The following XIRP2 variants were observed in gnomAD, a reference collection of about 807,000 sequenced individuals.
The protein encoded by XIRP2 is xin actin binding repeat containing 2, also known as xin actin-binding repeat-containing protein 2.
Under a neutral mutation model 277.0 loss-of-function variants are expected in XIRP2, and 236 were observed. The ratio of observed to expected loss-of-function variants is 0.85; its 90% CI spans 0.77 to 0.95. The LOEUF is 0.95. Ranked by LOEUF, XIRP2 falls within the 40% of genes least tolerant of loss-of-function variation. The pLI is 0.00. For synonymous variants in XIRP2, 1,490 were observed against 1,416.5 expected, an observed-to-expected ratio of 1.05 and a Z score of -1.17; for missense variants, 4,640 against 4,157.5, an observed-to-expected ratio of 1.12 and a Z score of -3.19.
chr2:167,209,831 T>G (rs1429636557), intron 3 of XIRP2, among the ~76,000 whole-genome samples: 1 of 152,140 alleles, frequency 6.6e-6, no homozygotes, highest in Non-Finnish European at 1.5e-5. Flanking sequence ...TGGAGGGTCC[T>G]TATGTTCCTT....
chr2:167,164,169 A>ATG (rs1692454136), intron 3 of XIRP2, among the ~76,000 whole-genome samples: 1 of 152,014 alleles, frequency 6.6e-6, no homozygotes. Context: ...GGCCGGGCGC[A>ATG]GCGGCTCACG....
chr2:167,052,561 A>G (rs554337036), intron 2 of XIRP2, among the ~76,000 whole-genome samples: 136 of 152,196 alleles, frequency 8.9e-4, no homozygotes, highest in African/African-American at 3.1e-3. Flanking sequence ...ATACTAAAAT[A>G]CTCCAAATTT....
At chr2:166,909,530 G>A (rs1684639109) in intron 2 of XIRP2, among the ~76,000 whole-genome samples, 1 of 152,174 alleles carries the variant, frequency 6.6e-6, no homozygotes, top group Non-Finnish European at 1.5e-5. Context: ...AGACAGTGGG[G>A]TTTTCTAGAT....
In XIRP2 at chr2:167,062,909, A is replaced by T. The variant is rs189654747; in HGVS notation, c.409-73000A>T. 2.9e-3 allele frequency among the ~76,000 whole-genome samples: 436 copies of T among 150,972 alleles called. 1 individual carries two copies. The highest frequency in any genetic ancestry group is 0.01 in the African/African-American group (416 of 41,214). On this transcript the variant is annotated intron_variant, in intron 2 of 10. Coordinates refer to ENST00000409195, the MANE Select transcript of XIRP2 (RefSeq NM_152381.6). Reference sequence around the variant, plus strand: ...AAAAAACCAACTTTTGGGTTGATTGATTTTTTTCCTATCGTATTTTCTTTT... The same window carrying T: ...AAAAAACCAACTTTTGGGTTGATTGTTTTTTTTCCTATCGTATTTTCTTTT...
intron 2 of XIRP2, among the ~76,000 whole-genome samples, chr2:166,930,349 T>A (rs2105367637): frequency 6.6e-6 from 1 of 152,250 alleles, no homozygotes; most frequent in East Asian, 1.9e-4. Flanking sequence ...AATAGGCAAC[T>A]TTTCTGAAAC....
At chr2:167,203,966 T>C (rs1044334180) in intron 3 of XIRP2, among the ~76,000 whole-genome samples, 3 of 152,206 alleles carry the variant, frequency 2.0e-5, no homozygotes, top group Admixed American at 6.5e-5. Flanking sequence ...ATCAATTTTT[T>C]TTTTCAAGAA....
chr2:166,900,873 T>A (rs1326217997), intron 1 of XIRP2, among the ~76,000 whole-genome samples: 2 of 152,020 alleles, frequency 1.3e-5, no homozygotes, highest in Non-Finnish European at 2.9e-5. Context: ...CTAGGTGGGG[T>A]AGAAGTACAG....
intron 2 of XIRP2, among the ~76,000 whole-genome samples, chr2:166,924,259 G>A (rs917284470): frequency 6.6e-6 from 1 of 152,032 alleles, no homozygotes; most frequent in Non-Finnish European, 1.5e-5. Context: ...GGGTTAGGAA[G>A]TCTGAGGATT....
At chr2:167,218,091 A>G in intron 4 of XIRP2, 75 bp from the exon 5 acceptor site, 4 of 1,288,364 alleles carry the variant, frequency 3.1e-6, no homozygotes, top group Non-Finnish European at 4.1e-6. Flanking sequence ...AATGTCAACT[A>G]TTTTTAAAAT....
At chr2:167,085,907 C>G (rs1358311166) in intron 2 of XIRP2, among the ~76,000 whole-genome samples, 1 of 151,936 alleles carries the variant, frequency 6.6e-6, no homozygotes, top group Non-Finnish European at 1.5e-5. Context: ...ATTTGCCAGT[C>G]TGTGTCTTTT....
At chr2:167,019,191 G>A (rs1326158755) in intron 2 of XIRP2, among the ~76,000 whole-genome samples, 2 of 151,966 alleles carry the variant, frequency 1.3e-5, no homozygotes, top group East Asian at 3.9e-4. Flanking sequence ...GGAGATTTAA[G>A]ACTTCAAAGT....
In XIRP2 at chr2:167,242,706, G is replaced by C; in HGVS notation, c.1314G>C (p.Leu438=). 6.2e-7 allele frequency: 1 copy of C among 1,614,010 alleles called. No homozygotes were observed. The highest frequency in any genetic ancestry group is 8.5e-7 in the Non-Finnish European group (1 of 1,179,954). The change falls in exon 9 of 11, where the codon CTG becomes CTC. Residue 438 remains leucine, a synonymous_variant. Transcript: ENST00000409195. Reference sequence around the variant, plus strand: ...ATCACAGTGTCACTTCCTCAACTCTGGCACAAATTAATGCTACTTCTTCAG... The same window carrying C: ...ATCACAGTGTCACTTCCTCAACTCTCGCACAAATTAATGCTACTTCTTCAG... The part of the protein sequence containing the change: ...YSDHSVTSST[L]AQINATSSGM...
rs771623223 is a variant in XIRP2 at position 167,239,829 on chromosome 2, T to TTGTC, written c.859-14_859-11dup. On this transcript the variant is annotated intron_variant, in intron 5 of 10. Coordinates refer to ENST00000409195, the MANE Select transcript of XIRP2 (RefSeq NM_152381.6). Reference sequence around the variant, plus strand: ...TAAAATTTTTACTTTTCTTAAGGCATTGTCTGTCTGTCTGTGTGCTTTCAG... The same window carrying TTGTC: ...TAAAATTTTTACTTTTCTTAAGGCATTGTCTGTCTGTCTGTCTGTGTGCTTTCAG... 20 of 1,568,024 alleles carry TTGTC rather than the reference T, an allele frequency of 1.3e-5. No individual in the cohort carries two copies. In the African/African-American group the frequency reaches 2.6e-4, roughly 21 times the overall value.
chr2:166,951,297 A>G (rs143577482), intron 2 of XIRP2, among the ~76,000 whole-genome samples: 31 of 152,164 alleles, frequency 2.0e-4, no homozygotes, highest in African/African-American at 7.0e-4. Context: ...CTGTACAGGA[A>G]GCATGGCAGC....
At chr2:167,128,689 T>A (rs1691284320) in intron 2 of XIRP2, among the ~76,000 whole-genome samples, 1 of 152,182 alleles carries the variant, frequency 6.6e-6, no homozygotes, top group Non-Finnish European at 1.5e-5. Context: ...AGAGTTCTTG[T>A]TACCTACAGA....
At chr2:167,119,359 A>G (rs958907675) in intron 2 of XIRP2, among the ~76,000 whole-genome samples, 3 of 152,234 alleles carry the variant, frequency 2.0e-5, no homozygotes, top group Admixed American at 1.3e-4. Flanking sequence ...TCTCTCAGAC[A>G]AATACAAATG....
chr2:167,244,523 C>A lies in XIRP2; in HGVS notation c.3131C>A (p.Ala1044Asp). ...TTTCAAATAATTAGAGGAATATCTG[C>A]TCAAGAAATACAGACTGGAAATGTG... is the stretch of plus-strand genomic sequence containing the variant. ...HKFQIIRGIS[A>D]QEIQTGNVKS... Residue 1044 changes from alanine (A) to aspartate (D), a missense_variant, in exon 9 of 11, where the codon GCT (alanine) becomes GAT (aspartate). Physicochemically the swap from Ala to Asp is moderately radical, Grantham distance 126. Coordinates refer to ENST00000409195, the MANE Select transcript of XIRP2 (RefSeq NM_152381.6). 1 of 1,613,474 alleles carries A rather than the reference C, an allele frequency of 6.2e-7. No homozygotes were observed. The highest frequency in any genetic ancestry group is 8.5e-7 in the Non-Finnish European group (1 of 1,179,730).
At position 167,245,162 on chromosome 2, in the gene XIRP2, G is replaced by T. The variant is rs370085666; in HGVS notation, c.3770G>T (p.Gly1257Val). 4 of 1,613,378 alleles carry T rather than the reference G, an allele frequency of 2.5e-6. No individual in the cohort carries two copies. The highest frequency in any genetic ancestry group is 1.1e-5 in the South Asian group (1 of 91,006). Residue 1257 changes from glycine (G) to valine (V), a missense_variant, in exon 9 of 11, where the codon GGT becomes GTT. Coordinates refer to ENST00000409195, the MANE Select transcript of XIRP2 (RefSeq NM_152381.6). ...GATAAGATAAAAGAAAGCCAAGAAG[G>T]TGATGAATGTGTTAAGACGGTGACA... is the stretch of plus-strand genomic sequence containing the variant. ...PIDKIKESQE[G>V]DECVKTVTDI...
chr2:167,100,581 A>G (rs909421566), intron 2 of XIRP2, among the ~76,000 whole-genome samples: 2 of 152,152 alleles, frequency 1.3e-5, no homozygotes, highest in Non-Finnish European at 2.9e-5. Context: ...TTTTCAGCAC[A>G]CTCCTTTAAC....
Sources: gnomAD v4.1 joint callset for allele counts (sites outside exome capture counted in the v4.1 genomes callset) on GRCh38, gnomAD v4.1.1 for gene constraint, MANE v1.5 for transcripts, NCBI Gene and HGNC (gene_info 2026-07-23, HGNC 2026-07-21) for gene names.